The following HOMER2 variants were observed in gnomAD, a reference collection of about 807,000 sequenced individuals.
HOMER2 encodes homer scaffold protein 2, also known as homer protein homolog 2.
Under a neutral mutation model 47.0 loss-of-function variants are expected in HOMER2, and 27 were observed. That is an observed-to-expected ratio of 0.57 (90% CI 0.42 to 0.79). The LOEUF is 0.79. Ranked by LOEUF, HOMER2 falls within the 30% of genes least tolerant of loss-of-function variation. The pLI, the probability that HOMER2 is intolerant of heterozygous loss-of-function variation, is 0.00. For synonymous variants in HOMER2, 161 were observed against 163.8 expected (o/e 0.98, Z 0.13); for missense variants, 443 against 435.0 (o/e 1.02, Z -0.16).
At chr15:82,974,176 G>T (rs578018725) in intron 1 of HOMER2, among the ~76,000 whole-genome samples, 2 of 151,878 alleles carry the variant, frequency 1.3e-5, no homozygotes, top group Non-Finnish European at 2.9e-5. Flanking sequence ...AGGCAGAGGC[G>T]GGTGGATCAC....
At chr15:82,975,869 T>C (rs1280790710) in intron 1 of HOMER2, among the ~76,000 whole-genome samples, 1 of 152,228 alleles carries the variant, frequency 6.6e-6, no homozygotes, top group Non-Finnish European at 1.5e-5. Flanking sequence ...ATTGGATTGT[T>C]TGTAACACAA....
At chr15:82,911,832 C>A (rs1273486060) in intron 1 of HOMER2, among the ~76,000 whole-genome samples, 1 of 152,064 alleles carries the variant, frequency 6.6e-6, no homozygotes, top group Non-Finnish European at 1.5e-5. Flanking sequence ...GAGTTCGAGA[C>A]CAGACTGGTC....
intron 1 of HOMER2, among the ~76,000 whole-genome samples, chr15:82,912,975 C>T (rs375622935): frequency 7.2e-5 from 11 of 152,274 alleles, no homozygotes; most frequent in African/African-American, 2.6e-4. Context: ...ATTTCAGGGT[C>T]TTTTATTAAC....
At chr15:82,941,753 T>C (rs1173982538) in intron 1 of HOMER2, among the ~76,000 whole-genome samples, 1 of 152,116 alleles carries the variant, frequency 6.6e-6, no homozygotes, top group African/African-American at 2.4e-5. Context: ...TTCCCAAGCC[T>C]TTCTCCACAT....
intron 7 of HOMER2, among the ~76,000 whole-genome samples, chr15:82,851,656 T>C (rs1229674183): frequency 1.3e-5 from 2 of 152,120 alleles, no homozygotes; most frequent in Non-Finnish European, 2.9e-5. Context: ...TGTGTGGTGC[T>C]CTCATGGCGT....
At chr15:82,938,396 C>G (rs78737088) in intron 1 of HOMER2, among the ~76,000 whole-genome samples, 106 of 152,224 alleles carry the variant, frequency 7.0e-4, no homozygotes, top group Non-Finnish European at 1.3e-3. Context: ...AAAATGCCAG[C>G]TGATCAAGCT....
downstream of HOMER2, chr15:82,845,825 CTA>C (rs1353704566): frequency 6.6e-6 from 1 of 152,136 alleles, no homozygotes; most frequent in Non-Finnish European, 1.5e-5. Context: ...TCCCTGGTTT[CTA>C]TAGAGAAGGA....
chr15:82,856,801 G>A (rs1369327238), intron 5 of HOMER2, among the ~76,000 whole-genome samples: 2 of 152,176 alleles, frequency 1.3e-5, no homozygotes, highest in Non-Finnish European at 2.9e-5. Context: ...CGGGCCAGCT[G>A]AGTTGGAGAG....
chr15:82,872,048 C>T (rs1037926944), intron 3 of HOMER2, among the ~76,000 whole-genome samples: 4 of 152,100 alleles, frequency 2.6e-5, no homozygotes, highest in African/African-American at 9.7e-5. Flanking sequence ...GGGATCACGT[C>T]TTGGACAGAA....
chr15:82,873,315 G>A (rs546249533), intron 3 of HOMER2, among the ~76,000 whole-genome samples: 5 of 152,298 alleles, frequency 3.3e-5, no homozygotes, highest in African/African-American at 1.2e-4. Flanking sequence ...GGACCGCCAT[G>A]CCTCTGCCAG....
intron 1 of HOMER2, among the ~76,000 whole-genome samples, chr15:82,900,901 T>C (rs1164510038): frequency 1.3e-5 from 2 of 152,230 alleles, no homozygotes; most frequent in Non-Finnish European, 2.9e-5. Flanking sequence ...AAGAAATACT[T>C]GTCACAAATC....
intron 1 of HOMER2, among the ~76,000 whole-genome samples, chr15:82,959,666 G>A (rs2054614439): frequency 6.6e-6 from 1 of 152,184 alleles, no homozygotes; most frequent in African/African-American, 2.4e-5. Flanking sequence ...GGTTTGAGTG[G>A]TGCCCAGGCA....
chr15:82,880,692 G>A lies in HOMER2; in HGVS notation c.163-5288C>T, dbSNP rs567087377. Among the ~76,000 whole-genome samples, 105 of 152,328 alleles carry A rather than the reference G, an allele frequency of 6.9e-4. 1 individual carries two copies. Among genetic ancestry groups the A allele is most frequent in the Non-Finnish European group, 1.2e-3 (83 of 68,032 alleles). On this transcript the variant is annotated intron_variant, in intron 2 of 8. Coordinates refer to ENST00000450735, the MANE Select transcript of HOMER2 (RefSeq NM_004839.4). ...GAAGATTGTGTTAGGGACCGAGGAG[G>A]TGGCTGGACCTGTGGGTTCTGGCGT...
upstream of HOMER2, among the ~76,000 whole-genome samples, chr15:82,953,226 C>T (rs745808611): frequency 6.6e-6 from 1 of 152,084 alleles, no homozygotes; most frequent in Non-Finnish European, 1.5e-5. Context: ...AAGGTACCCG[C>T]CACCGTGAAA....
intron 1 of HOMER2, among the ~76,000 whole-genome samples, chr15:82,962,086 C>T (rs114608435): frequency 0.035 from 5,252 of 151,478 alleles, 276 homozygotes; most frequent in African/African-American, 0.12. Flanking sequence ...TAAAAAATGT[C>T]CAGGCCGGGT....
intron 3 of HOMER2, among the ~76,000 whole-genome samples, chr15:82,874,522 C>G (rs1223608350): frequency 1.3e-5 from 2 of 152,204 alleles, no homozygotes; most frequent in Non-Finnish European, 2.9e-5. Flanking sequence ...TTCTCCAAGT[C>G]TGTGGTCAGC....
At chr15:82,937,937 G>A (rs879054032) in intron 1 of HOMER2, among the ~76,000 whole-genome samples, 4 of 152,138 alleles carry the variant, frequency 2.6e-5, no homozygotes, top group African/African-American at 7.2e-5. Flanking sequence ...ATCTTCAACC[G>A]GTCCCTGAAG....
intron 1 of HOMER2, among the ~76,000 whole-genome samples, chr15:82,894,699 G>A (rs2052848165): frequency 6.7e-6 from 1 of 149,862 alleles, no homozygotes; most frequent in Admixed American, 6.7e-5. Context: ...TAGTCCCATT[G>A]TTTATAAAAT....
chr15:82,879,422 C>T (rs79401880), intron 2 of HOMER2, among the ~76,000 whole-genome samples: 5 of 152,004 alleles, frequency 3.3e-5, no homozygotes, highest in South Asian at 4.2e-4. Flanking sequence ...CCTGGGGCTC[C>T]GGAGGTCAAG....
Sources: gnomAD v4.1 joint callset for allele counts (sites outside exome capture counted in the v4.1 genomes callset) on GRCh38, gnomAD v4.1.1 for gene constraint, MANE v1.5 for transcripts, NCBI Gene and HGNC (gene_info 2026-07-23, HGNC 2026-07-21) for gene names.